The following SRGAP2 variants were observed in gnomAD, a reference collection of about 807,000 sequenced individuals.
The protein encoded by SRGAP2 is SLIT-ROBO Rho GTPase-activating protein 2.
A neutral mutation model predicts 57.2 loss-of-function variants in SRGAP2; 15 were observed. That is an observed-to-expected ratio of 0.26 (90% confidence interval 0.18 to 0.40). The LOEUF is 0.40. Ranked by LOEUF, SRGAP2 falls within the 10% of genes least tolerant of loss-of-function variation. SRGAP2 has a pLI of 1.00. For missense variants in SRGAP2, 520 were observed against 669.6 expected, an observed-to-expected ratio of 0.78 and a Z score of 2.47; for synonymous variants, 249 against 248.0, an observed-to-expected ratio of 1.00 and a Z score of -0.04.
At chr1:206,456,618 A>AG (rs1244442344) in intron 21 of SRGAP2, among the ~76,000 whole-genome samples, 40 of 150,828 alleles carry the variant, frequency 2.7e-4, no homozygotes, top group South Asian at 2.1e-4. Flanking sequence ...CAGAAGAAGA[A>AG]AAAAAAAGAG....
At chr1:206,450,071 A>G (rs1359068050) in intron 18 of SRGAP2, among the ~76,000 whole-genome samples, 1 of 152,198 alleles carries the variant, frequency 6.6e-6, no homozygotes, top group Non-Finnish European at 1.5e-5. Flanking sequence ...GAATTCACAT[A>G]GAGAATCAGA....
chr1:206,410,942 C>A (rs1659164496), intron 10 of SRGAP2, among the ~76,000 whole-genome samples: 1 of 152,242 alleles, frequency 6.6e-6, no homozygotes, highest in Non-Finnish European at 1.5e-5. Context: ...CTCACTGCAA[C>A]CTCCACCTCT....
chr1:206,226,514 C>T, intron 2 of SRGAP2, among the ~76,000 whole-genome samples: 1 of 152,084 alleles, frequency 6.6e-6, no homozygotes, highest in Non-Finnish European at 1.5e-5. Context: ...CTATGTGGCC[C>T]TGGGTAAGTC....
At chr1:206,419,341 C>T (rs1282178795) in intron 11 of SRGAP2, 32 bp from the exon 12 acceptor site, 7 of 780,586 alleles carry the variant, frequency 9.0e-6, no homozygotes, top group Non-Finnish European at 1.4e-5. Context: ...TCTCCTTTAA[C>T]ATAATGCTTT....
intron 3 of SRGAP2, among the ~76,000 whole-genome samples, chr1:206,311,084 T>C (rs1200548535): frequency 1.3e-5 from 2 of 148,396 alleles, no homozygotes; most frequent in African/African-American, 5.0e-5. Flanking sequence ...CCTTATTTTT[T>C]AAAGGTGCAC....
chr1:206,357,976 GT>G lies in SRGAP2; in HGVS notation c.423+14973del, dbSNP rs1166777725. On this transcript the variant is annotated intron_variant, in intron 4 of 22. Coordinates refer to ENST00000573034, the MANE Select transcript of SRGAP2 (RefSeq NM_015326.5). Reference sequence around the variant, plus strand: ...ATTGTTGTCTTTTTGGAAATCACTTGTTTTTAGGATGACTAGGTAGCCAAGG... The same window carrying G: ...ATTGTTGTCTTTTTGGAAATCACTTGTTTTAGGATGACTAGGTAGCCAAGG... Among the ~76,000 whole-genome samples the G allele has an allele frequency of 6.8e-5, 10 of 146,034 alleles. 1 individual carries two copies. Among genetic ancestry groups the G allele is most frequent in the African/African-American group, 2.6e-4 (10 of 39,134 alleles).
chr1:206,290,634 T>A, intron 2 of SRGAP2, among the ~76,000 whole-genome samples: 1 of 98,746 alleles, frequency 1.0e-5, no homozygotes. Flanking sequence ...AGAGCGAGAC[T>A]CCATCTCAAA....
intron 4 of SRGAP2, among the ~76,000 whole-genome samples, chr1:206,356,498 C>T (rs1383590433): frequency 2.0e-5 from 3 of 152,090 alleles, no homozygotes; most frequent in African/African-American, 7.2e-5. Context: ...ATTAATGACT[C>T]ATGCATTCTG....
At chr1:206,281,840 G>T in intron 2 of SRGAP2, among the ~76,000 whole-genome samples, 1 of 140,102 alleles carries the variant, frequency 7.1e-6, no homozygotes. Context: ...CTTGAACCCG[G>T]GAGGCGGTGC....
At chr1:206,305,913 T>G (rs1437191153) in intron 3 of SRGAP2, among the ~76,000 whole-genome samples, 39 of 152,110 alleles carry the variant, frequency 2.6e-4, no homozygotes, top group Admixed American at 2.0e-4. Flanking sequence ...CAAGTCTTAT[T>G]CTCTTTATGA....
intron 4 of SRGAP2, among the ~76,000 whole-genome samples, chr1:206,365,641 T>C (rs1165920405): frequency 7.6e-6 from 1 of 131,724 alleles, no homozygotes; most frequent in African/African-American, 3.3e-5. Context: ...ACAAATCAAC[T>C]CAGGGCCGGG....
chr1:206,419,465 T>C, intron 12 of SRGAP2, 65 bp downstream of exon 12: 1 of 779,420 alleles, frequency 1.3e-6, no homozygotes. Context: ...AATCTTACTC[T>C]GGGAGAGAGC....
intron 20 of SRGAP2, chr1:206,453,824 A>G (rs1208934868): frequency 3.1e-6 from 1 of 319,516 alleles, no homozygotes; most frequent in East Asian, 5.3e-5. Flanking sequence ...GCAAATTAAA[A>G]TGACTGGTTT....
Position 206,428,536 on chromosome 1 carries a change from A to G in SRGAP2, c.1495-1626A>G, listed in dbSNP as rs570502381. On this transcript the variant is annotated intron_variant, in intron 13 of 22. Coordinates refer to ENST00000573034, the MANE Select transcript of SRGAP2 (RefSeq NM_015326.5). Reference sequence around the variant, plus strand: ...GTTTGCTGAATGCCTAGGGTGCAGTATGGGTAGTGGCAAAGTGTTAGGTCT... The same window carrying G: ...GTTTGCTGAATGCCTAGGGTGCAGTGTGGGTAGTGGCAAAGTGTTAGGTCT... Among the ~76,000 whole-genome samples, 23 of 152,242 alleles carry G rather than the reference A, an allele frequency of 1.5e-4. No homozygotes were observed. The East Asian group carries it at 4.4e-3, about 29-fold the overall frequency.
intron 2 of SRGAP2, among the ~76,000 whole-genome samples, chr1:206,251,702 C>CTTT (rs1180655419): frequency 4.5e-5 from 3 of 66,364 alleles, no homozygotes; most frequent in African/African-American, 8.2e-5. Context: ...CCCCTTGGTT[C>CTTT]TTTTTTTTTT....
chr1:206,371,353 G>A (rs1270268468), intron 4 of SRGAP2, among the ~76,000 whole-genome samples: 1 of 151,508 alleles, frequency 6.6e-6, no homozygotes, highest in Non-Finnish European at 1.5e-5. Context: ...ATACTAAATG[G>A]CATTATTTAG....
At chr1:206,278,575 G>T (rs1212709307) in intron 2 of SRGAP2, among the ~76,000 whole-genome samples, 1 of 142,992 alleles carries the variant, frequency 7.0e-6, no homozygotes, top group East Asian at 2.0e-4. Context: ...TGCCCAGGCT[G>T]GTCTCAAACT....
chr1:206,437,075 AT>A lies in SRGAP2; in HGVS notation c.1633+36del, dbSNP rs781872518. On this transcript the variant is annotated intron_variant, in intron 15 of 22. Coordinates refer to ENST00000573034, the MANE Select transcript of SRGAP2 (RefSeq NM_015326.5). ...AACAGTCTTGAAGATAAAACCAAAT[AT>A]TTGCCAGCCCCCTGGGGTATTGGCT... 9 of 779,988 alleles carry A rather than the reference AT, an allele frequency of 1.2e-5. No homozygotes were observed. In the East Asian group the frequency reaches 2.2e-4, roughly 19 times the overall value. 48.3% of individuals were successfully genotyped at this position (779,988 alleles called of 1,614,324 possible).
intron 11 of SRGAP2, among the ~76,000 whole-genome samples, chr1:206,417,414 CT>C (rs1219905489): frequency 0.037 from 4,096 of 110,796 alleles, 88 homozygotes; most frequent in African/African-American, 0.11. Context: ...GATCTTATGA[CT>C]TTTTTTTTTT....
Sources: gnomAD v4.1 joint callset for allele counts (sites outside exome capture counted in the v4.1 genomes callset) on GRCh38, gnomAD v4.1.1 for gene constraint, MANE v1.5 for transcripts, NCBI Gene and HGNC (gene_info 2026-07-23, HGNC 2026-07-21) for gene names.